The following UNC80 variants were observed in gnomAD, a reference collection of about 807,000 sequenced individuals.
UNC80 encodes the protein unc-80 subunit of NALCN channel complex, also known as protein unc-80 homolog.
Under a neutral mutation model 384.6 loss-of-function variants are expected in UNC80, and 164 were observed. That is an observed-to-expected ratio of 0.43 (90% CI 0.38 to 0.49). The LOEUF is 0.49. Among genes scored for constraint, UNC80 ranks in the 20% least tolerant of loss-of-function variants. The pLI is 0.00. For synonymous variants in UNC80, 1,486 were observed against 1,527.8 expected (o/e 0.97, Z 0.64); for missense variants, 3,330 against 4,143.0 (o/e 0.80, Z 5.39).
intron 4 of UNC80, among the ~76,000 whole-genome samples, chr2:209,780,182 A>G (rs1413551202): frequency 2.0e-5 from 3 of 152,232 alleles, no homozygotes; most frequent in African/African-American, 7.2e-5. Flanking sequence ...GACTACTCAA[A>G]TAATTCGAAA....
chr2:209,820,317 C>G lies in UNC80; in HGVS notation c.1969C>G (p.Leu657Val). The G allele has an allele frequency of 6.5e-7, 1 of 1,538,824 alleles. No homozygotes were observed. The highest frequency in any genetic ancestry group is 8.8e-7 in the Non-Finnish European group (1 of 1,141,456). Residue 657 changes from leucine to valine, a missense_variant, in exon 13 of 65, where the codon CTG (leucine) becomes GTG (valine). By Grantham distance (32) the Leu-to-Val change is conservative. This residue lies in a region of UNC80 where 937 missense variants were observed against 1,026.8 expected (regional missense o/e 0.91). Transcript: ENST00000673920. ...KNGMLDLSVVLKAVYLVLNHD... is the reference protein window; with the variant it reads ...KNGMLDLSVVVKAVYLVLNHD... ...TTTATCTTGTTTTCCTCAGGTAGTT[C>G]TGAAGGCTGTTTATCTTGTCCTTAA...
intron 50 of UNC80, 28 bp downstream of exon 50, chr2:209,959,182 A>G (rs530861407): frequency 6.4e-7 from 1 of 1,550,968 alleles, no homozygotes; most frequent in South Asian, 1.2e-5. Context: ...CTAATTTCAT[A>G]CCAGTTCTGA....
chr2:209,926,989 A>G lies in UNC80; in HGVS notation c.5806+3A>G. 3 of 1,551,438 alleles carry G rather than the reference A, an allele frequency of 1.9e-6. No individual in the cohort carries two copies. The highest frequency in any genetic ancestry group is 2.6e-6 in the Non-Finnish European group (3 of 1,146,800). On this transcript the variant is annotated splice_donor_region_variant and intron_variant, in intron 36 of 64. Transcript: ENST00000673920. The stretch of plus-strand genomic sequence containing the variant: ...GGTGCGGGAAGATGGAGTAGCAGGT[A>G]CAGTTTTGAACAGTCAGATCATCAG...
chr2:209,825,799 C>G (rs1009749027), intron 13 of UNC80, 108 bp from the exon 14 acceptor site: 1 of 1,033,878 alleles, frequency 9.7e-7, no homozygotes, highest in African/African-American at 1.7e-5. Flanking sequence ...TGCAGGTGCT[C>G]CCTGTAAAAC....
At chr2:209,981,973 G>T (rs2093167577) in intron 59 of UNC80, among the ~76,000 whole-genome samples, 2 of 152,184 alleles carry the variant, frequency 1.3e-5, no homozygotes, top group Admixed American at 1.3e-4. Context: ...GTGTGGAAGG[G>T]TGGGAGATGT....
At chr2:209,892,570 A>G (rs1181998081) in intron 26 of UNC80, among the ~76,000 whole-genome samples, 1 of 152,134 alleles carries the variant, frequency 6.6e-6, no homozygotes, top group East Asian at 1.9e-4. Flanking sequence ...GATTACATTA[A>G]TTTGAGTTTA....
chr2:209,977,134 C>A, intron 58 of UNC80, 56 bp downstream of exon 58: 1 of 1,424,140 alleles, frequency 7.0e-7, no homozygotes. Context: ...TCACAGCCTA[C>A]AAAGAATCCC....
intron 62 of UNC80, 67 bp from the exon 63 acceptor site, chr2:209,993,248 T>G (rs528175881): frequency 2.4e-6 from 3 of 1,235,088 alleles, no homozygotes; most frequent in South Asian, 2.8e-5. Context: ...AACATATAAA[T>G]AAAGAAACAA....
At chr2:209,902,120 T>C (rs2087486776) in intron 28 of UNC80, among the ~76,000 whole-genome samples, 1 of 152,106 alleles carries the variant, frequency 6.6e-6, no homozygotes, top group South Asian at 2.1e-4. Flanking sequence ...TTGGAAGTAG[T>C]TGATGCCAAC....
In UNC80 at chr2:209,976,381, A is replaced by G; in HGVS notation, c.8772+78A>G. On this transcript the variant is annotated intron_variant, in intron 57 of 64. Transcript: ENST00000673920. This position sits in a 1 kb window ranked among gnomAD's most constrained non-coding sequence, Gnocchi z 4.3. The stretch of plus-strand genomic sequence containing the variant: ...CTCTCTACTGAGGCAGGAATATGGC[A>G]GGAGTGCTCATGGTACCTACTGTTG... 3 of 1,534,166 alleles carry G rather than the reference A, an allele frequency of 2.0e-6. No individual in the cohort carries two copies. The highest frequency in any genetic ancestry group is 2.6e-6 in the Non-Finnish European group (3 of 1,133,370).
intron 56 of UNC80, among the ~76,000 whole-genome samples, chr2:209,975,279 A>G (rs1434408866): frequency 6.6e-6 from 1 of 152,206 alleles, no homozygotes; most frequent in Non-Finnish European, 1.5e-5. Flanking sequence ...TGACTGCCCC[A>G]TGGCAGACTC....
chr2:209,831,396 G>A (rs1343233404), intron 15 of UNC80, 47 bp from the exon 16 acceptor site: 1 of 1,516,454 alleles, frequency 6.6e-7, no homozygotes, highest in Non-Finnish European at 8.8e-7. Flanking sequence ...TACCCATTGT[G>A]TAGCTTAAAG....
At chr2:209,817,151 G>C (rs1461285865) in intron 10 of UNC80, 26 bp downstream of exon 10, 1 of 1,546,416 alleles carries the variant, frequency 6.5e-7, no homozygotes, top group Non-Finnish European at 8.7e-7. Context: ...TCCAAAATAG[G>C]GCAGAGTTTA....
chr2:209,894,281 G>T lies in UNC80; in HGVS notation c.4395G>T (p.Lys1465Asn). 1 of 985,424 alleles carries T rather than the reference G, an allele frequency of 1.0e-6. No individual in the cohort carries two copies. Among genetic ancestry groups the T allele is most frequent in the Non-Finnish European group, 1.2e-6 (1 of 829,930 alleles). The allele number at this position is 985,424 out of a possible 1,614,324, so 61.0% of individuals were successfully genotyped here. The change falls in exon 27 of 65, where the codon AAG (lysine) becomes AAT (asparagine). Residue 1465 changes from lysine (K) to asparagine (N), a missense_variant. Physicochemically the swap from Lys to Asn is moderately conservative, Grantham distance 94. Coordinates refer to ENST00000673920, the MANE Select transcript of UNC80 (RefSeq NM_001371986.1). ...GCATTCGCCGGGTCGGCAGCTTAAA[G>T]AGCAGCAAGTTATCACGGCAGGACT... ...LSSIRRVGSL[K>N]SSKLSRQDSE...
At position 209,976,368 on chromosome 2, in the gene UNC80, G is replaced by A; in HGVS notation, c.8772+65G>A. The A allele has an allele frequency of 1.9e-6, 3 of 1,544,070 alleles. No homozygotes were observed. The highest frequency in any genetic ancestry group is 2.4e-5 in the East Asian group (1 of 40,860). ...AATGAATGTGTGGCTCTCTACTGAGGCAGGAATATGGCAGGAGTGCTCATG... is the reference window on the plus strand; with the variant it reads ...AATGAATGTGTGGCTCTCTACTGAGACAGGAATATGGCAGGAGTGCTCATG... On this transcript the variant is annotated intron_variant, in intron 57 of 64. Transcript: ENST00000673920. This position sits in a 1 kb window ranked among gnomAD's most constrained non-coding sequence, Gnocchi z 4.3.
At chr2:209,954,414 T>C (rs1363612038) in intron 48 of UNC80, 144 bp downstream of exon 48, 1 of 699,982 alleles carries the variant, frequency 1.4e-6, no homozygotes, top group East Asian at 2.9e-5. Context: ...CTTTATGCCT[T>C]ATAACTGTGA....
At chr2:209,818,104 G>A (rs1290518661) in intron 11 of UNC80, among the ~76,000 whole-genome samples, 152 bp downstream of exon 11, 4 of 152,098 alleles carry the variant, frequency 2.6e-5, no homozygotes, top group Non-Finnish European at 4.4e-5. Context: ...GCCATTCTTA[G>A]CATATCCTTA....
intron 22 of UNC80, among the ~76,000 whole-genome samples, chr2:209,871,390 G>T (rs1306690293): frequency 6.6e-6 from 1 of 151,946 alleles, no homozygotes; most frequent in Non-Finnish European, 1.5e-5. Flanking sequence ...CTTAAATGGG[G>T]GACATTATTT....
chr2:209,913,211 C>T (rs2089150903), intron 30 of UNC80, among the ~76,000 whole-genome samples: 2 of 152,066 alleles, frequency 1.3e-5, no homozygotes, highest in African/African-American at 2.4e-5. Context: ...TTATGTTCTC[C>T]CCCCCAAAAA....
Sources: gnomAD v4.1 joint callset for allele counts (sites outside exome capture counted in the v4.1 genomes callset) on GRCh38, gnomAD v4.1.1 for gene constraint, gnomAD v4.1.1 regional missense constraint, Gnocchi (gnomAD v3.1) non-coding constraint, MANE v1.5 for transcripts, NCBI Gene and HGNC (gene_info 2026-07-23, HGNC 2026-07-21) for gene names.